Variants in PEX5L observed in about 807,000 individuals in gnomAD.
PEX5L encodes the protein PEX5-related protein.
In PEX5L, 30 loss-of-function variants were observed where a neutral mutation model predicts 84.0. That is an observed-to-expected ratio of 0.36 (90% confidence interval 0.27 to 0.48). The LOEUF is 0.48. Ranked by LOEUF, PEX5L falls within the 20% of genes least tolerant of loss-of-function variation. The pLI is 0.99. For synonymous variants in PEX5L, 270 were observed against 283.1 expected (o/e 0.95, Z 0.46); for missense variants, 533 against 754.6 (o/e 0.71, Z 3.44).
intron 8 of PEX5L, among the ~76,000 whole-genome samples, chr3:179,846,197 A>G (rs1213953312): frequency 6.6e-6 from 1 of 152,114 alleles, no homozygotes; most frequent in African/African-American, 2.4e-5. Context: ...TATGATAGTT[A>G]GTTTTTAAAA....
chr3:179,829,122 G>GA (rs1279907072), intron 8 of PEX5L, among the ~76,000 whole-genome samples: 1 of 152,126 alleles, frequency 6.6e-6, no homozygotes, highest in Non-Finnish European at 1.5e-5. Context: ...GAAGAAACAT[G>GA]AAAAAATGAA....
In PEX5L at chr3:179,856,617, A is replaced by G. The variant is rs570597876; in HGVS notation, c.822+2445T>C. Among the ~76,000 whole-genome samples, 4 of 152,314 alleles carry G rather than the reference A, an allele frequency of 2.6e-5. No homozygotes were observed. The East Asian group carries it at 7.7e-4, about 29-fold the overall frequency. ...GGGTAAGAATAATGTCTGGAAGTAAATATGTGTGAAGTTTTGGAGGCATGA... is the reference window on the plus strand; with the variant it reads ...GGGTAAGAATAATGTCTGGAAGTAAGTATGTGTGAAGTTTTGGAGGCATGA... On this transcript the variant is annotated intron_variant, in intron 8 of 14. Coordinates refer to ENST00000467460, the MANE Select transcript of PEX5L (RefSeq NM_016559.3).
At chr3:179,865,864 C>T (rs1747943633) in intron 7 of PEX5L, among the ~76,000 whole-genome samples, 1 of 152,098 alleles carries the variant, frequency 6.6e-6, no homozygotes, top group African/African-American at 2.4e-5. Flanking sequence ...CACAGAGAAC[C>T]TTTGATCTAG....
intron 1 of PEX5L, chr3:179,973,060 T>C: frequency 1.6e-6 from 1 of 610,694 alleles, no homozygotes; most frequent in Non-Finnish European, 2.3e-6. Context: ...TTTGCTTTTG[T>C]ATTCTTTTTG....
At position 179,932,257 on chromosome 3, in the gene PEX5L, TTG is replaced by T. The variant is rs1459332485; in HGVS notation, c.94-34013_94-34012del. ...ATAGTATAGTCCTTTTTACATAAAG[TTG>T]TGTGTGTGTATGTGTATGTGTGATT... is the stretch of plus-strand genomic sequence containing the variant. On this transcript the variant is annotated intron_variant, in intron 2 of 14. Transcript: ENST00000467460. 7.2e-5 allele frequency among the ~76,000 whole-genome samples: 11 copies of T among 152,002 alleles called. No individual in the cohort carries two copies. In the East Asian group the frequency reaches 2.1e-3, roughly 29 times the overall value.
chr3:179,932,043 T>C (rs576663133), intron 2 of PEX5L, among the ~76,000 whole-genome samples: 9 of 152,272 alleles, frequency 5.9e-5, no homozygotes, highest in African/African-American at 2.2e-4. Context: ...TAATCTTATT[T>C]AGAGTTATAA....
chr3:179,930,030 G>A (rs1370449765), intron 2 of PEX5L, among the ~76,000 whole-genome samples: 1 of 152,080 alleles, frequency 6.6e-6, no homozygotes. Context: ...ATTTTTCAAA[G>A]TGTGGTTCCT....
intron 9 of PEX5L, among the ~76,000 whole-genome samples, chr3:179,818,477 AG>A (rs1727048044): frequency 6.6e-6 from 1 of 152,166 alleles, no homozygotes; most frequent in Non-Finnish European, 1.5e-5. Flanking sequence ...TTATTTTAAA[AG>A]GTACAATAAA....
intron 8 of PEX5L, among the ~76,000 whole-genome samples, chr3:179,845,774 G>A (rs974433267): frequency 2.6e-5 from 4 of 152,126 alleles, no homozygotes; most frequent in Admixed American, 6.6e-5. Context: ...GATGGGTTGG[G>A]CCCTATAAAT....
intron 1 of PEX5L, among the ~76,000 whole-genome samples, chr3:179,993,646 C>T (rs1181071654): frequency 6.6e-6 from 1 of 151,972 alleles, no homozygotes; most frequent in African/African-American, 2.4e-5. Flanking sequence ...ATTACAGGCA[C>T]ACACCACCAC....
intron 5 of PEX5L, among the ~76,000 whole-genome samples, chr3:179,876,662 A>G (rs139599190): frequency 6.6e-6 from 1 of 152,222 alleles, no homozygotes; most frequent in East Asian, 1.9e-4. Flanking sequence ...GACCATCACC[A>G]CTATTCATCT....
intron 7 of PEX5L, among the ~76,000 whole-genome samples, chr3:179,873,941 G>A (rs1216940073): frequency 3.3e-5 from 5 of 152,008 alleles, no homozygotes; most frequent in Admixed American, 2.6e-4. Flanking sequence ...ATTCCACAGG[G>A]CATAGGTGTG....
At chr3:179,981,393 G>C (rs935355360) in intron 1 of PEX5L, among the ~76,000 whole-genome samples, 4 of 152,210 alleles carry the variant, frequency 2.6e-5, no homozygotes, top group Admixed American at 2.6e-4. Flanking sequence ...GAGTCAAAGA[G>C]AGAAGTTGAG....
chr3:179,962,733 G>A (rs1403101806), intron 2 of PEX5L, among the ~76,000 whole-genome samples: 1 of 152,142 alleles, frequency 6.6e-6, no homozygotes, highest in East Asian at 1.9e-4. Flanking sequence ...ATAAAAGGCT[G>A]AATAGGTTTC....
chr3:179,875,382 A>C lies in PEX5L; in HGVS notation c.601T>G (p.Ser201Ala). The C allele has an allele frequency of 1.2e-6, 2 of 1,613,846 alleles. No homozygotes were observed. Among genetic ancestry groups the C allele is most frequent in the Non-Finnish European group, 1.7e-6 (2 of 1,179,802 alleles). ...HPMAERKSSSSRTGSKELLWS... is the reference protein window; with the variant it reads ...HPMAERKSSSARTGSKELLWS... ...AAGAGCTCTTTTGATCCAGTTCTAG[A>C]TGAGGATGATTTTCTCTCTGCCATT... is the stretch of plus-strand genomic sequence containing the variant. Residue 201 changes from serine (S) to alanine (A), a missense_variant, in exon 6 of 15, where the codon TCT becomes GCT. By Grantham distance (99) the Ser-to-Ala change is moderately conservative (BLOSUM62 1). Coordinates refer to ENST00000467460, the MANE Select transcript of PEX5L (RefSeq NM_016559.3).
At chr3:179,956,878 T>C (rs62290486) in intron 2 of PEX5L, among the ~76,000 whole-genome samples, 108,900 of 151,582 alleles carry the variant, frequency 0.72, 39,710 homozygotes, top group East Asian at 0.89. Flanking sequence ...AGTACGTATA[T>C]GTCTAATCAT....
At chr3:179,930,064 TA>T (rs1184959924) in intron 2 of PEX5L, among the ~76,000 whole-genome samples, 1 of 152,168 alleles carries the variant, frequency 6.6e-6, no homozygotes, top group African/African-American at 2.4e-5. Flanking sequence ...CAATATCACC[TA>T]GGAACCTTTT....
chr3:179,824,529 A>T (rs1729649745), intron 8 of PEX5L, among the ~76,000 whole-genome samples: 1 of 151,886 alleles, frequency 6.6e-6, no homozygotes, highest in East Asian at 1.9e-4. Flanking sequence ...AACATGGAGA[A>T]ACCCCGTCTG....
intron 8 of PEX5L, among the ~76,000 whole-genome samples, chr3:179,837,129 T>C (rs1221401330): frequency 6.6e-6 from 1 of 152,176 alleles, no homozygotes; most frequent in Non-Finnish European, 1.5e-5. Context: ...TAAATTCTAG[T>C]TTCTTTCAAT....
Sources: gnomAD v4.1 joint callset for allele counts (sites outside exome capture counted in the v4.1 genomes callset) on GRCh38, gnomAD v4.1.1 for gene constraint, MANE v1.5 for transcripts, NCBI Gene and HGNC (gene_info 2026-07-23, HGNC 2026-07-21) for gene names.